The following FOXJ3 variants were observed in gnomAD, a reference collection of about 807,000 sequenced individuals.
The protein encoded by FOXJ3 is forkhead box protein J3.
Under a neutral mutation model 76.1 loss-of-function variants are expected in FOXJ3, and 22 were observed. That is an observed-to-expected ratio of 0.29 (90% CI 0.21 to 0.41). The LOEUF (loss-of-function observed/expected upper bound fraction) is 0.41. FOXJ3 is among the 10% of genes least tolerant of loss of function. The pLI is 1.00. For missense variants in FOXJ3, 613 were observed against 762.1 expected, an observed-to-expected ratio of 0.80 and a Z score of 2.30; for synonymous variants, 269 against 261.2, an observed-to-expected ratio of 1.03 and a Z score of -0.29.
intron 9 of FOXJ3, 55 bp downstream of exon 9, chr1:42,191,248 A>G (rs1646534887): frequency 2.3e-5 from 34 of 1,487,074 alleles, no homozygotes; most frequent in Non-Finnish European, 3.1e-5. Flanking sequence ...TAAATAACAA[A>G]GGACAGATCC....
intron 1 of FOXJ3, among the ~76,000 whole-genome samples, chr1:42,319,264 C>G (rs958181972): frequency 4.0e-5 from 6 of 151,734 alleles, no homozygotes; most frequent in Admixed American, 2.6e-4. Flanking sequence ...TGGAAATAAT[C>G]CAAATGCCCA....
chr1:42,328,273 G>A (rs1187894647), intron 1 of FOXJ3, among the ~76,000 whole-genome samples: 1 of 152,142 alleles, frequency 6.6e-6, no homozygotes, highest in Non-Finnish European at 1.5e-5. Flanking sequence ...CTCCAGCCTG[G>A]GTGACACAGC....
At chr1:42,228,528 A>C (rs1225439718) in intron 4 of FOXJ3, among the ~76,000 whole-genome samples, 2 of 146,546 alleles carry the variant, frequency 1.4e-5, no homozygotes, top group Non-Finnish European at 3.0e-5. Flanking sequence ...TGTATGGAGC[A>C]CCTACTGTGT....
intron 5 of FOXJ3, among the ~76,000 whole-genome samples, chr1:42,210,589 A>T (rs1302615936): frequency 6.6e-6 from 1 of 152,144 alleles, no homozygotes; most frequent in Non-Finnish European, 1.5e-5. Flanking sequence ...GGCTAACCAG[A>T]AGGTCTTGAG....
chr1:42,207,631 C>T (rs1218162104), intron 5 of FOXJ3, among the ~76,000 whole-genome samples: 1 of 152,200 alleles, frequency 6.6e-6, no homozygotes, highest in Non-Finnish European at 1.5e-5. Context: ...CCTAATTGTA[C>T]ATGCATTTCT....
At chr1:42,317,159 A>G (rs1022052358) in intron 1 of FOXJ3, among the ~76,000 whole-genome samples, 4 of 152,308 alleles carry the variant, frequency 2.6e-5, no homozygotes, top group Middle Eastern at 3.4e-3. Flanking sequence ...AAAGTATAAC[A>G]TTCACTAACA....
chr1:42,221,389 T>G (rs1465874887), intron 5 of FOXJ3, among the ~76,000 whole-genome samples: 1 of 152,158 alleles, frequency 6.6e-6, no homozygotes, highest in African/African-American at 2.4e-5. Context: ...AAAGAATGAA[T>G]AGACAAGAAT....
At chr1:42,237,416 A>ATG (rs1648753533) in intron 4 of FOXJ3, among the ~76,000 whole-genome samples, 1 of 146,834 alleles carries the variant, frequency 6.8e-6, no homozygotes, top group South Asian at 2.1e-4. Context: ...ATATATATAT[A>ATG]TATATATATA....
At chr1:42,190,300 G>A (rs1417329568) in intron 9 of FOXJ3, among the ~76,000 whole-genome samples, 1 of 152,188 alleles carries the variant, frequency 6.6e-6, no homozygotes, top group Non-Finnish European at 1.5e-5. Context: ...GGGCTGGTTG[G>A]TTTGCTTTTG....
chr1:42,191,618 G>C lies in FOXJ3; in HGVS notation c.1036C>G (p.Gln346Glu). ...STVSTHPHSN[Q>E]SSLSNSHGSG... ...CCATGACTGTTGGACAGGCTGCTTTGGTTGCTGTGTGGGTGAGTGCTCACT... is the reference window on the plus strand; with the variant it reads ...CCATGACTGTTGGACAGGCTGCTTTCGTTGCTGTGTGGGTGAGTGCTCACT... Residue 346 changes from glutamine to glutamate, a missense_variant, in exon 9 of 13, where the codon CAA (glutamine) becomes GAA (glutamate). Physicochemically the swap from Gln to Glu is conservative, Grantham distance 29. This residue lies in a region of FOXJ3 where 526 missense variants were observed against 601.4 expected (regional missense o/e 0.87). Transcript: ENST00000361346. 1 of 1,614,216 alleles carries C rather than the reference G, an allele frequency of 6.2e-7. No individual in the cohort carries two copies. Among genetic ancestry groups the C allele is most frequent in the Non-Finnish European group, 8.5e-7 (1 of 1,180,048 alleles).
intron 11 of FOXJ3, among the ~76,000 whole-genome samples, chr1:42,183,825 T>C (rs1336587184): frequency 6.6e-6 from 1 of 151,956 alleles, no homozygotes; most frequent in Non-Finnish European, 1.5e-5. Context: ...TCAGAGATAA[T>C]CTAATCTGAC....
At chr1:42,306,220 G>A (rs1202217987) in intron 2 of FOXJ3, among the ~76,000 whole-genome samples, 1 of 150,350 alleles carries the variant, frequency 6.7e-6, no homozygotes, top group Non-Finnish European at 1.5e-5. Flanking sequence ...CCAAACTCAG[G>A]AAACAAAAAG....
At chr1:42,249,745 T>C (rs895442050) in intron 4 of FOXJ3, among the ~76,000 whole-genome samples, 3 of 152,128 alleles carry the variant, frequency 2.0e-5, no homozygotes, top group African/African-American at 7.2e-5. Context: ...CTAATCCTTG[T>C]AAACGAAAAA....
chr1:42,248,736 T>TTC lies in FOXJ3; in HGVS notation c.444+16378_444+16379insGA, dbSNP rs1553162591. On this transcript the variant is annotated intron_variant, in intron 4 of 12. Transcript: ENST00000361346. ...CTCAAGTCTCCTGTTTTTTCTTTTT[T>TTC]TTTTTTTTTTTTTTTTTTTTAAGTT... 3.4e-4 allele frequency among the ~76,000 whole-genome samples: 50 copies of TTC among 145,150 alleles called. 1 individual carries two copies. Among genetic ancestry groups the TTC allele is most frequent in the African/African-American group, 1.2e-3 (49 of 39,428 alleles).
intron 1 of FOXJ3, among the ~76,000 whole-genome samples, chr1:42,312,603 T>C (rs1654879541): frequency 6.6e-6 from 1 of 152,142 alleles, no homozygotes; most frequent in Admixed American, 6.5e-5. Context: ...TACATATAAA[T>C]CAAAAACTTG....
chr1:42,292,593 A>G (rs1350275131), intron 2 of FOXJ3, among the ~76,000 whole-genome samples: 1 of 152,236 alleles, frequency 6.6e-6, no homozygotes, highest in South Asian at 2.1e-4. Flanking sequence ...AGAAAATGCA[A>G]ATATATAATA....
chr1:42,312,581 T>C (rs1213899065), intron 1 of FOXJ3, among the ~76,000 whole-genome samples: 1 of 152,230 alleles, frequency 6.6e-6, no homozygotes, highest in Non-Finnish European at 1.5e-5. Context: ...GAGTAAAGTA[T>C]CTTAAAATCT....
intron 5 of FOXJ3, among the ~76,000 whole-genome samples, chr1:42,216,603 T>C (rs1647074686): frequency 6.6e-6 from 1 of 152,078 alleles, no homozygotes; most frequent in South Asian, 2.1e-4. Flanking sequence ...CACTGTCTTA[T>C]GAACATCTAC....
chr1:42,320,459 CAT>C (rs1194596401), intron 1 of FOXJ3, among the ~76,000 whole-genome samples: 1 of 152,132 alleles, frequency 6.6e-6, no homozygotes, highest in Non-Finnish European at 1.5e-5. Context: ...AAAATCGTAT[CAT>C]GTGGTCTAAT....
Sources: allele counts gnomAD v4.1 joint callset (sites outside exome capture counted in the v4.1 genomes callset), GRCh38; gene constraint gnomAD v4.1.1; regional missense constraint gnomAD v4.1.1; transcripts MANE v1.5; gene names NCBI Gene and HGNC (gene_info 2026-07-23, HGNC 2026-07-21).